Variants in TENM3 observed in about 807,000 individuals in gnomAD.
TENM3 encodes the protein teneurin transmembrane protein 3.
A neutral mutation model predicts 255.1 loss-of-function variants in TENM3; 63 were observed. The ratio of observed to expected loss-of-function variants is 0.25; its 90% CI spans 0.20 to 0.30. The LOEUF (loss-of-function observed/expected upper bound fraction) is 0.30, where lower values mean the gene tolerates loss of function less well. Ranked by LOEUF, TENM3 falls within the 10% of genes least tolerant of loss-of-function variation. The probability of loss-of-function intolerance (pLI) is 1.00; values close to 1 mark genes in which losing one functional copy is unlikely to be tolerated. For synonymous variants in TENM3, 1,306 were observed against 1,322.3 expected (o/e 0.99, Z 0.27); for missense variants, 2,929 against 3,461.1 (o/e 0.85, Z 3.86).
chr4:182,203,911 A>G lies in TENM3; in HGVS notation c.-76+59157A>G, dbSNP rs189542369. 7.2e-5 allele frequency among the ~76,000 whole-genome samples: 11 copies of G among 152,380 alleles called. No homozygotes were observed. In the East Asian group the frequency reaches 1.9e-3, roughly 27 times the overall value. On this transcript the variant is annotated intron_variant, in intron 1 of 2. Transcript: ENST00000512480. Reference sequence around the variant, plus strand: ...TCATTAAAACTTTTAGAGCAGGGGAATGACAGAAAGAAGGAGAAATGTTTC... The same window carrying G: ...TCATTAAAACTTTTAGAGCAGGGGAGTGACAGAAAGAAGGAGAAATGTTTC...
the TENM3 span, among the ~76,000 whole-genome samples, chr4:181,752,065 T>C: frequency 9.9e-5 from 15 of 152,208 alleles, no homozygotes; most frequent in South Asian, 2.1e-4. Flanking sequence ...ACTCGTTAGC[T>C]TAAAAGCAGC....
chr4:182,736,289 C>T lies in TENM3; in HGVS notation c.2968-519C>T, dbSNP rs75290807. On this transcript the variant is annotated intron_variant, in intron 16 of 27. Transcript: ENST00000511685. ...GAGGCTATAGGTACTGGTTTAGTCC[C>T]TAAATGAGCCAGCTGGCACAGGCCA... 3.3e-4 allele frequency among the ~76,000 whole-genome samples: 50 copies of T among 152,304 alleles called. No individual in the cohort carries two copies. The East Asian group carries it at 8.7e-3, about 26-fold the overall frequency.
chr4:182,452,938 T>C (rs535182200), intron 3 of TENM3, among the ~76,000 whole-genome samples: 2 of 152,198 alleles, frequency 1.3e-5, no homozygotes, highest in Non-Finnish European at 2.9e-5. Context: ...GTTGGGTATT[T>C]GGAATACCTT....
intron 1 of TENM3, among the ~76,000 whole-genome samples, chr4:182,292,733 G>A (rs1761203209): frequency 6.6e-6 from 1 of 152,168 alleles, no homozygotes; most frequent in African/African-American, 2.4e-5. Flanking sequence ...TGCCCTTAAA[G>A]AACTTACAGT....
chr4:181,719,030 C>T, the TENM3 span, among the ~76,000 whole-genome samples: 7 of 151,590 alleles, frequency 4.6e-5, no homozygotes, highest in Admixed American at 3.3e-4. Context: ...CAAGGTGAAA[C>T]CCCGTCTCTA....
At chr4:182,329,049 C>T (rs954953364) in intron 2 of TENM3, among the ~76,000 whole-genome samples, 5 of 152,056 alleles carry the variant, frequency 3.3e-5, no homozygotes, top group Non-Finnish European at 7.4e-5. Context: ...TCTGAATGTT[C>T]CTGTAAATAT....
the TENM3 span, among the ~76,000 whole-genome samples, chr4:181,970,880 G>A: frequency 4.6e-5 from 7 of 152,146 alleles, no homozygotes; most frequent in East Asian, 1.3e-3. Flanking sequence ...CCTACAATAA[G>A]TGCCATGCAA....
At chr4:181,864,076 C>T in the TENM3 span, among the ~76,000 whole-genome samples, 7 of 152,094 alleles carry the variant, frequency 4.6e-5, no homozygotes, top group East Asian at 1.9e-4. Context: ...TGTAATCAAA[C>T]GTCTTAGTGG....
the TENM3 span, among the ~76,000 whole-genome samples, chr4:181,495,480 A>G: frequency 6.6e-6 from 1 of 152,118 alleles, no homozygotes; most frequent in Non-Finnish European, 1.5e-5. Context: ...AAGGATGACT[A>G]TATAGAGTAA....
chr4:181,660,788 GTT>G, the TENM3 span, among the ~76,000 whole-genome samples: 3 of 152,102 alleles, frequency 2.0e-5, no homozygotes, highest in African/African-American at 7.2e-5. Flanking sequence ...TTTTACACCT[GTT>G]GAGGCATTAT....
the TENM3 span, among the ~76,000 whole-genome samples, chr4:181,605,857 G>GCAT: frequency 6.6e-6 from 1 of 152,172 alleles, no homozygotes; most frequent in African/African-American, 2.4e-5. Flanking sequence ...TGGGATTCAA[G>GCAT]CATGAGTTAA....
the TENM3 span, among the ~76,000 whole-genome samples, chr4:181,834,086 T>C: frequency 6.7e-6 from 1 of 150,010 alleles, no homozygotes; most frequent in East Asian, 2.0e-4. Context: ...AGGAGGAAAA[T>C]GAGACTTACG....
chr4:182,632,684 A>G (rs1013096), intron 5 of TENM3, among the ~76,000 whole-genome samples: 28,693 of 152,114 alleles, frequency 0.19, 2,837 homozygotes, highest in Non-Finnish European at 0.23. Context: ...TTTATTATTA[A>G]CTTTGGTCAG....
At chr4:182,578,472 G>A (rs938382669) in intron 3 of TENM3, among the ~76,000 whole-genome samples, 40 of 95,968 alleles carry the variant, frequency 4.2e-4, no homozygotes, top group African/African-American at 1.4e-3. Context: ...TGTGATAGGT[G>A]CTTGATAGGT....
At chr4:182,257,716 G>A (rs1758504005) in intron 1 of TENM3, among the ~76,000 whole-genome samples, 1 of 152,136 alleles carries the variant, frequency 6.6e-6, no homozygotes, top group Non-Finnish European at 1.5e-5. Context: ...TGTAAGAGCA[G>A]CCCTTTGAGA....
At chr4:182,582,137 T>C (rs915265335) in intron 3 of TENM3, among the ~76,000 whole-genome samples, 1 of 152,232 alleles carries the variant, frequency 6.6e-6, no homozygotes, top group Non-Finnish European at 1.5e-5. Flanking sequence ...GTCTCCACAC[T>C]GGCCTTTGCT....
At chr4:182,751,361 G>A (rs1483824817) in intron 19 of TENM3, among the ~76,000 whole-genome samples, 1 of 152,234 alleles carries the variant, frequency 6.6e-6, no homozygotes, top group African/African-American at 2.4e-5. Context: ...TGAGGTATGA[G>A]CGGAATCAGT....
chr4:181,974,964 C>T, the TENM3 span, among the ~76,000 whole-genome samples: 21 of 152,138 alleles, frequency 1.4e-4, no homozygotes, highest in East Asian at 3.3e-3. Flanking sequence ...TTGGAGTTCC[C>T]GGTGTCTATT....
chr4:181,460,642 C>T, the TENM3 span, among the ~76,000 whole-genome samples: 1 of 143,870 alleles, frequency 7.0e-6, no homozygotes, highest in Non-Finnish European at 1.5e-5. Context: ...TTCAGTATCC[C>T]ATTTTATCTG....
Sources: allele counts gnomAD v4.1 joint callset (sites outside exome capture counted in the v4.1 genomes callset), GRCh38; gene constraint gnomAD v4.1.1; transcripts MANE v1.5; gene names NCBI Gene and HGNC (gene_info 2026-07-23, HGNC 2026-07-21).